Variants in ERC2 observed in about 807,000 individuals in gnomAD.
The protein encoded by ERC2 is ELKS/RAB6-interacting/CAST family member 2.
Under a neutral mutation model 114.8 loss-of-function variants are expected in ERC2, and 42 were observed. The ratio of observed to expected loss-of-function variants is 0.37; its 90% CI spans 0.29 to 0.47. ERC2 has a LOEUF of 0.47. Ranked by LOEUF, ERC2 falls within the 20% of genes least tolerant of loss-of-function variation. The probability of loss-of-function intolerance (pLI) is 0.99; values close to 1 mark genes in which losing one functional copy is unlikely to be tolerated. For synonymous variants in ERC2, 454 were observed against 425.5 expected, an observed-to-expected ratio of 1.07 and a Z score of -0.82; for missense variants, 939 against 1,150.7, an observed-to-expected ratio of 0.82 and a Z score of 2.66.
At chr3:56,298,607 A>C (rs2055614866) in intron 2 of ERC2, among the ~76,000 whole-genome samples, 1 of 152,166 alleles carries the variant, frequency 6.6e-6, no homozygotes, top group Admixed American at 6.5e-5. Context: ...GAAAGAAACC[A>C]GTCACAAAAG....
chr3:56,357,830 T>G (rs1323464616), intron 2 of ERC2, among the ~76,000 whole-genome samples: 1 of 150,154 alleles, frequency 6.7e-6, no homozygotes, highest in South Asian at 2.2e-4. Flanking sequence ...AAATAAATAC[T>G]GCAAGCCTCA....
In ERC2 at chr3:55,749,389, G is replaced by T. The variant is rs73834321; in HGVS notation, c.2565-14471C>A. On this transcript the variant is annotated intron_variant, in intron 14 of 17. Coordinates refer to ENST00000288221, the MANE Select transcript of ERC2 (RefSeq NM_015576.3). ...TTCAAGGCATGGGACATAAGGCAGG[G>T]GTCAAGGAAGAATGGGGCTGGAGAA... Among the ~76,000 whole-genome samples, 475 of 152,284 alleles carry T rather than the reference G, an allele frequency of 3.1e-3. 4 individuals are homozygous for T. Among genetic ancestry groups the T allele is most frequent in the African/African-American group, 0.011 (447 of 41,562 alleles).
chr3:55,879,154 C>A (rs1161815296), intron 14 of ERC2, among the ~76,000 whole-genome samples: 6 of 122,868 alleles, frequency 4.9e-5, no homozygotes, highest in African/African-American at 1.9e-4. Flanking sequence ...AGGGAAGGAA[C>A]GAAAAAGAGC....
At chr3:55,706,351 C>T (rs922703339) in intron 15 of ERC2, among the ~76,000 whole-genome samples, 2 of 150,806 alleles carry the variant, frequency 1.3e-5, no homozygotes, top group Non-Finnish European at 2.9e-5. Context: ...AAAAGCTTGT[C>T]TTGGGATCTG....
chr3:56,054,460 T>G (rs1440034905), intron 7 of ERC2, among the ~76,000 whole-genome samples: 6 of 152,220 alleles, frequency 3.9e-5, no homozygotes, highest in Admixed American at 2.6e-4. Flanking sequence ...ACTGAATAAA[T>G]GCCTTTCATA....
At chr3:55,718,551 G>A (rs1396852046) in intron 15 of ERC2, among the ~76,000 whole-genome samples, 1 of 152,198 alleles carries the variant, frequency 6.6e-6, no homozygotes, top group Non-Finnish European at 1.5e-5. Context: ...GACAGGATGT[G>A]CCAGAGGTCA....
chr3:55,835,930 A>G (rs1431213636), intron 14 of ERC2, among the ~76,000 whole-genome samples: 1 of 151,634 alleles, frequency 6.6e-6, no homozygotes, highest in Admixed American at 6.6e-5. Context: ...TCAATGTACA[A>G]AAATCACAAG....
chr3:55,941,837 C>T (rs914421168), intron 13 of ERC2, among the ~76,000 whole-genome samples: 3 of 152,142 alleles, frequency 2.0e-5, no homozygotes, highest in African/African-American at 7.2e-5. Flanking sequence ...ACTCTGTTCT[C>T]ACAGTAATTA....
chr3:56,149,577 TTGACTC>T (rs2081312994), intron 4 of ERC2, among the ~76,000 whole-genome samples: 1 of 152,212 alleles, frequency 6.6e-6, no homozygotes, highest in Admixed American at 6.5e-5. Context: ...TGTTTGGAAT[TTGACTC>T]TGAGAGAGAA....
rs534649626 is a variant in ERC2, at chr3:56,454,609, G to C, written c.-141+13639C>G. 1.8e-3 allele frequency among the ~76,000 whole-genome samples: 273 copies of C among 152,234 alleles called. 1 individual carries two copies. The highest frequency in any genetic ancestry group is 2.9e-3 in the Non-Finnish European group (195 of 68,012). ...TTATTCATCCTTAAAAAAGAAATGA[G>C]GAGGCCAAGGTGGGTGGATTATATG... On this transcript the variant is annotated intron_variant, in intron 1 of 17. Transcript: ENST00000288221.
chr3:55,684,776 CA>C (rs2062239856), intron 16 of ERC2, among the ~76,000 whole-genome samples: 1 of 152,104 alleles, frequency 6.6e-6, no homozygotes, highest in African/African-American at 2.4e-5. Flanking sequence ...CTTTTTTGAA[CA>C]ATTCTCACAG....
intron 14 of ERC2, among the ~76,000 whole-genome samples, chr3:55,785,744 C>G (rs2069435068): frequency 6.6e-6 from 1 of 152,210 alleles, no homozygotes; most frequent in African/African-American, 2.4e-5. Flanking sequence ...TATACAAAGC[C>G]AGCTCTGCAC....
chr3:56,171,982 A>C (rs2082700324), intron 4 of ERC2, among the ~76,000 whole-genome samples: 1 of 149,536 alleles, frequency 6.7e-6, no homozygotes, highest in Admixed American at 6.7e-5. Flanking sequence ...CAAAAACAAA[A>C]AACAAAAAAA....
rs182122178 is a variant in ERC2 at position 55,513,195 on chromosome 3, G to A, written c.*40-1919C>T. On this transcript the variant is annotated intron_variant, in intron 17 of 17. Transcript: ENST00000288221. ...GACATCCAGTCCATAGTGCATTCCCGTTTACAGTTTACAACTCCTGTTTAC... is the reference window on the plus strand; with the variant it reads ...GACATCCAGTCCATAGTGCATTCCCATTTACAGTTTACAACTCCTGTTTAC... Among the ~76,000 whole-genome samples, 23 of 152,288 alleles carry A rather than the reference G, an allele frequency of 1.5e-4. No homozygotes were observed. The East Asian group carries it at 2.5e-3, about 17-fold the overall frequency.
At chr3:56,076,929 A>G (rs2077003599) in intron 7 of ERC2, among the ~76,000 whole-genome samples, 1 of 152,208 alleles carries the variant, frequency 6.6e-6, no homozygotes, top group Admixed American at 6.5e-5. Flanking sequence ...GGAAAGGAGC[A>G]TACCTAGTTC....
intron 12 of ERC2, among the ~76,000 whole-genome samples, chr3:55,965,067 T>C (rs80207507): frequency 0.034 from 5,138 of 152,272 alleles, 170 homozygotes; most frequent in African/African-American, 0.083. Flanking sequence ...CCATATGATA[T>C]ACCCTATTTA....
intron 17 of ERC2, among the ~76,000 whole-genome samples, chr3:55,594,247 G>A (rs186953498): frequency 3.2e-4 from 48 of 152,254 alleles, no homozygotes; most frequent in Admixed American, 9.2e-4. Flanking sequence ...CAAAGTGTGC[G>A]GTGTCCTAAA....
chr3:55,933,208 C>CAA lies in ERC2; in HGVS notation c.2403+17215_2403+17216dup, dbSNP rs36050362. Among the ~76,000 whole-genome samples the CAA allele has an allele frequency of 5.1e-3, 706 of 138,250 alleles. 9 individuals carry two copies. Among genetic ancestry groups the CAA allele is most frequent in the Admixed American group, 7.9e-3 (111 of 13,964 alleles). 90.7% of individuals were successfully genotyped at this position (138,250 alleles called of 152,430 possible). ...TGGGTGAAAGAGCAAGACTTTGTCT[C>CAA]AAAAAAAAAAAAAAGAGAGAGAATA... On this transcript the variant is annotated intron_variant, in intron 13 of 17. Transcript: ENST00000288221.
At chr3:56,304,553 CTAG>C (rs10554172) in intron 2 of ERC2, among the ~76,000 whole-genome samples, 150,846 of 152,228 alleles carry the variant, frequency 0.99, 74,755 homozygotes, top group Middle Eastern at 1. Flanking sequence ...GACACCAAAG[CTAG>C]TAGGCATGAA....
Sources: allele counts gnomAD v4.1 joint callset (sites outside exome capture counted in the v4.1 genomes callset), GRCh38; gene constraint gnomAD v4.1.1; transcripts MANE v1.5; gene names NCBI Gene and HGNC (gene_info 2026-07-23, HGNC 2026-07-21).